The following MAB21L3 variants were observed in gnomAD, a reference collection of about 807,000 sequenced individuals.
MAB21L3 encodes the protein mab-21 like 3, also known as protein mab-21-like 3.
Under a neutral mutation model 37.7 loss-of-function variants are expected in MAB21L3, and 36 were observed. The ratio of observed to expected loss-of-function variants is 0.96; its 90% CI spans 0.73 to 1.26. MAB21L3 has a LOEUF of 1.26. Among genes scored for constraint, MAB21L3 ranks in the 50% most tolerant of loss-of-function variants. The pLI is 0.00. For synonymous variants in MAB21L3, 186 were observed against 176.8 expected (o/e 1.05, Z -0.41); for missense variants, 430 against 447.3 (o/e 0.96, Z 0.35).
At position 116,133,707 on chromosome 1, in the gene MAB21L3, A is replaced by G. The variant is rs1660139988; in HGVS notation, c.*342A>G. 1 of 354,460 alleles carries G rather than the reference A, an allele frequency of 2.8e-6. No individual in the cohort carries two copies. Among genetic ancestry groups the G allele is most frequent in the African/African-American group, 2.1e-5 (1 of 47,912 alleles). The allele number at this position is 354,460 out of a possible 1,614,324, so 22.0% of individuals were successfully genotyped here. ...GTCTCACAGTGAAGATGGAGACAGA[A>G]CCCCTGGAAGTCTGGACATGAGCCT... On this transcript the variant is annotated 3_prime_UTR_variant, in exon 8 of 8. Transcript: ENST00000369500.
intron 3 of MAB21L3, among the ~76,000 whole-genome samples, chr1:116,116,477 A>G (rs553922394): frequency 6.6e-6 from 1 of 152,282 alleles, no homozygotes; most frequent in East Asian, 1.9e-4. Flanking sequence ...GCCTAAATAC[A>G]TGGAGACCTA....
intron 7 of MAB21L3, among the ~76,000 whole-genome samples, chr1:116,132,185 A>T (rs1660083099): frequency 6.6e-6 from 1 of 152,144 alleles, no homozygotes. Context: ...ATGTAGTGAG[A>T]ATTAGAGCTG....
intron 6 of MAB21L3, among the ~76,000 whole-genome samples, 170 bp downstream of exon 6, chr1:116,127,814 G>T (rs1420225334): frequency 1.3e-5 from 2 of 152,186 alleles, no homozygotes; most frequent in Non-Finnish European, 2.9e-5. Flanking sequence ...TGTTAGAAAT[G>T]CAGCTTCCCG....
chr1:116,112,383 C>CT (rs374067158), intron 2 of MAB21L3, 24 bp from the exon 3 acceptor site: 1,241 of 395,672 alleles, frequency 3.1e-3, no homozygotes, highest in East Asian at 4.4e-3. Flanking sequence ...TTTTTAAATT[C>CT]TTTTTTTTTT....
rs1394032801 is a variant in MAB21L3 at position 116,134,548 on chromosome 1, GC to G, written c.*1184del. 1.3e-5 allele frequency: 2 copies of G among 152,320 alleles called. No homozygotes were observed. Among genetic ancestry groups the G allele is most frequent in the African/African-American group, 2.4e-5 (1 of 41,470 alleles). The allele number at this position is 152,320 out of a possible 1,614,324, so 9.4% of individuals were successfully genotyped here. A position where few individuals can be genotyped will look rare whatever the true frequency, so the allele number is the denominator to read the frequency against. On this transcript the variant is annotated 3_prime_UTR_variant, in exon 8 of 8. Coordinates refer to ENST00000369500, the MANE Select transcript of MAB21L3 (RefSeq NM_152367.3). The stretch of plus-strand genomic sequence containing the variant: ...AGTGACCAAAGGCAGGCATGGTGGG[GC>G]TGGCATGAGTCAGAGCACCTGGCCT...
Position 116,124,508 on chromosome 1 carries a change from A to C in MAB21L3, c.481+151A>C, listed in dbSNP as rs1435193405. 4.0e-6 allele frequency: 3 copies of C among 758,520 alleles called. No homozygotes were observed. The South Asian group carries it at 5.9e-5, about 15-fold the overall frequency. 47.0% of individuals were successfully genotyped at this position (758,520 alleles called of 1,614,324 possible). On this transcript the variant is annotated intron_variant, in intron 5 of 7. Transcript: ENST00000369500. Reference sequence around the variant, plus strand: ...CATTTATTTAATCTTCATAATATGAATCAGCTTTTTTTCCTGCTGTTGATG... The same window carrying C: ...CATTTATTTAATCTTCATAATATGACTCAGCTTTTTTTCCTGCTGTTGATG...
chr1:116,121,680 GA>G (rs1659753011), intron 4 of MAB21L3, among the ~76,000 whole-genome samples: 1 of 152,188 alleles, frequency 6.6e-6, no homozygotes, highest in South Asian at 2.1e-4. Flanking sequence ...AGGTGCCACT[GA>G]GAAGCTGCAG....
chr1:116,118,112 G>A (rs979542229), intron 3 of MAB21L3, among the ~76,000 whole-genome samples: 5 of 152,114 alleles, frequency 3.3e-5, no homozygotes, highest in Non-Finnish European at 7.4e-5. Flanking sequence ...GGCCAGGCAC[G>A]GTGGCTCACA....
rs1186485483 is a variant in MAB21L3, at chr1:116,136,398, T to C, written c.*3033T>C. 3.5e-3 allele frequency among the ~76,000 whole-genome samples: 531 copies of C among 152,036 alleles called. 2 individuals are homozygous for C. The highest frequency in any genetic ancestry group is 0.011 in the African/African-American group (468 of 41,498). On this transcript the variant is annotated 3_prime_UTR_variant, in exon 8 of 8. Coordinates refer to ENST00000369500, the MANE Select transcript of MAB21L3 (RefSeq NM_152367.3). ...AATTGCTTCAAAGAGAATAAAATAC[T>C]TAGGAATCCAACTTACAAGGGACGT...
At chr1:116,126,777 A>T (rs1442493931) in intron 5 of MAB21L3, among the ~76,000 whole-genome samples, 4 of 152,248 alleles carry the variant, frequency 2.6e-5, no homozygotes, top group African/African-American at 9.6e-5. Flanking sequence ...CAAATACAGA[A>T]GTTCCCCAAC....
At chr1:116,128,427 A>ACCCCTTCTGAGTGG in intron 7 of MAB21L3, 88 bp downstream of exon 7, 1 of 1,296,734 alleles carries the variant, frequency 7.7e-7, no homozygotes, top group Non-Finnish European at 1.0e-6. Flanking sequence ...GGCCAGAGCC[A>ACCCCTTCTGAGTGG]CTCAGAAGGG....
In MAB21L3 at chr1:116,112,587, C is replaced by A. The variant is rs1659453196; in HGVS notation, c.-29C>A. ...GAAAAAAAAAAAAACCAGGAAGTTGCTGTTCTACTGAGGACTGACCAAGAA... is the reference window on the plus strand; with the variant it reads ...GAAAAAAAAAAAAACCAGGAAGTTGATGTTCTACTGAGGACTGACCAAGAA... On this transcript the variant is annotated 5_prime_UTR_variant, in exon 3 of 8. It adds an upstream start codon to the 5' untranslated region. Transcript: ENST00000369500. 6.3e-7 allele frequency: 1 copy of A among 1,589,050 alleles called. No individual in the cohort carries two copies. Among genetic ancestry groups the A allele is most frequent in the African/African-American group, 1.4e-5 (1 of 72,876 alleles).
At position 116,131,848 on chromosome 1, in the gene MAB21L3, G is replaced by A. The variant is rs781556742; in HGVS notation, c.856-1284G>A. 2.0e-5 allele frequency among the ~76,000 whole-genome samples: 3 copies of A among 152,154 alleles called. 1 individual carries two copies. The highest frequency in any genetic ancestry group is 4.8e-5 in the African/African-American group (2 of 41,416). On this transcript the variant is annotated intron_variant, in intron 7 of 7. Coordinates refer to ENST00000369500, the MANE Select transcript of MAB21L3 (RefSeq NM_152367.3). ...GGGCTGATGAGATCGCTACTGCAGAGGTCCAGTGAGATGTGGAGGCAGTGT... is the reference window on the plus strand; with the variant it reads ...GGGCTGATGAGATCGCTACTGCAGAAGTCCAGTGAGATGTGGAGGCAGTGT...
intron 3 of MAB21L3, among the ~76,000 whole-genome samples, chr1:116,116,943 G>A (rs1018732117): frequency 1.3e-5 from 2 of 151,830 alleles, no homozygotes; most frequent in African/African-American, 2.4e-5. Context: ...TGTCCTGCTC[G>A]GTAAGAATTT....
rs1660175500 is a variant in MAB21L3 at position 116,135,167 on chromosome 1, C to T, written c.*1802C>T. The T allele has an allele frequency of 6.6e-6, 1 of 151,538 alleles. No homozygotes were observed. Among genetic ancestry groups the T allele is most frequent in the South Asian group, 2.1e-4 (1 of 4,788 alleles). 9.4% of individuals were successfully genotyped at this position (151,538 alleles called of 1,614,324 possible). A position where few individuals can be genotyped will look rare whatever the true frequency, so the allele number is the denominator to read the frequency against. On this transcript the variant is annotated 3_prime_UTR_variant, in exon 8 of 8. Transcript: ENST00000369500. ...GGAAATAGAGACACAAAAAACCCTT[C>T]AAAAAATTAATAGATCCAGGAGCTG... is the stretch of plus-strand genomic sequence containing the variant.
chr1:116,126,256 GCAAA>G (rs1659905604), intron 5 of MAB21L3, among the ~76,000 whole-genome samples: 1 of 152,112 alleles, frequency 6.6e-6, no homozygotes, highest in Non-Finnish European at 1.5e-5. Flanking sequence ...TGCAATGAAG[GCAAA>G]CAAACAAAAA....
At chr1:116,124,950 G>T (rs963559034) in intron 5 of MAB21L3, among the ~76,000 whole-genome samples, 11 of 149,868 alleles carry the variant, frequency 7.3e-5, no homozygotes, top group Non-Finnish European at 1.2e-4. Flanking sequence ...TTTCAAACTG[G>T]AAAGAAATGG....
chr1:116,120,650 G>C (rs1274795536), intron 3 of MAB21L3, among the ~76,000 whole-genome samples: 1 of 151,990 alleles, frequency 6.6e-6, no homozygotes, highest in Non-Finnish European at 1.5e-5. Context: ...CTTAATCACT[G>C]TTGTGTCCCC....
At chr1:116,129,050 C>G (rs1037779522) in intron 7 of MAB21L3, among the ~76,000 whole-genome samples, 12 of 152,252 alleles carry the variant, frequency 7.9e-5, no homozygotes, top group African/African-American at 2.7e-4. Flanking sequence ...CCTCTGCAGG[C>G]ACAAAGGTGA....
Sources: allele counts gnomAD v4.1 joint callset (sites outside exome capture counted in the v4.1 genomes callset), GRCh38; gene constraint gnomAD v4.1.1; transcripts MANE v1.5; gene names NCBI Gene and HGNC (gene_info 2026-07-23, HGNC 2026-07-21).